Variants in B3GALT1 observed in about 807,000 individuals in gnomAD.
B3GALT1 encodes the protein UDP-Gal:betaGlcNAc beta 1,3-galactosyltransferase, polypeptide 1.
A neutral mutation model predicts 23.2 loss-of-function variants in B3GALT1; 10 were observed. The ratio of observed to expected loss-of-function variants is 0.43; its 90% confidence interval spans 0.27 to 0.73. The LOEUF is 0.73. Among genes scored for constraint, B3GALT1 ranks in the 30% least tolerant of loss-of-function variants. The pLI, the probability that B3GALT1 is intolerant of heterozygous loss-of-function variation, is 0.21. For missense variants in B3GALT1, 299 were observed against 405.4 expected, an observed-to-expected ratio of 0.74 and a Z score of 2.25; for synonymous variants, 156 against 141.5, an observed-to-expected ratio of 1.10 and a Z score of -0.73.
chr2:167,437,273 A>C (rs929529330), intron 1 of B3GALT1, among the ~76,000 whole-genome samples: 3 of 152,228 alleles, frequency 2.0e-5, no homozygotes, highest in African/African-American at 7.2e-5. Context: ...ATGTTCAGTC[A>C]CTGCAAGTAT....
intron 3 of B3GALT1, among the ~76,000 whole-genome samples, chr2:167,815,925 G>C (rs2105358229): frequency 6.6e-6 from 1 of 152,270 alleles, no homozygotes; most frequent in East Asian, 1.9e-4. Context: ...ATCCAAAAGA[G>C]TAGATAATGA....
intron 3 of B3GALT1, among the ~76,000 whole-genome samples, chr2:167,812,605 A>G (rs935442365): frequency 5.3e-5 from 8 of 152,352 alleles, no homozygotes; most frequent in African/African-American, 1.7e-4. Flanking sequence ...GATATTTGGA[A>G]TTTATTGCTT....
intron 2 of B3GALT1, among the ~76,000 whole-genome samples, chr2:167,554,909 T>C (rs186646913): frequency 3.3e-5 from 5 of 152,144 alleles, no homozygotes; most frequent in African/African-American, 1.2e-4. Flanking sequence ...ATGAAACTCA[T>C]CATAAAACAT....
chr2:167,533,189 T>G (rs769165706), intron 2 of B3GALT1, among the ~76,000 whole-genome samples: 5 of 152,058 alleles, frequency 3.3e-5, no homozygotes, highest in Non-Finnish European at 7.4e-5. Context: ...TAAATGCCCT[T>G]AATTTTTTCA....
At chr2:167,448,693 G>A (rs561946956) in intron 1 of B3GALT1, among the ~76,000 whole-genome samples, 12 of 152,144 alleles carry the variant, frequency 7.9e-5, no homozygotes, top group South Asian at 2.1e-4. Context: ...TGTCTAGAAG[G>A]GTTTTTCTGA....
intron 2 of B3GALT1, among the ~76,000 whole-genome samples, chr2:167,498,165 T>G (rs971842152): frequency 6.6e-6 from 1 of 152,200 alleles, no homozygotes; most frequent in African/African-American, 2.4e-5. Context: ...GCAGGATTGC[T>G]CAATTTACAG....
chr2:167,762,585 A>T (rs1033036952), intron 3 of B3GALT1, among the ~76,000 whole-genome samples: 2 of 151,878 alleles, frequency 1.3e-5, no homozygotes, highest in Non-Finnish European at 2.9e-5. Context: ...AAAAATAAAA[A>T]AAAAAAAAAA....
intron 3 of B3GALT1, chr2:167,714,473 G>A (rs539555376): frequency 3.7e-5 from 60 of 1,600,430 alleles, no homozygotes; most frequent in South Asian, 9.9e-5. Context: ...AAAAGCTCTC[G>A]TTTCAGATGA....
At position 167,598,092 on chromosome 2, in the gene B3GALT1, G is replaced by A. The variant is rs13415003; in HGVS notation, c.-409-48817G>A. On this transcript the variant is annotated intron_variant, in intron 2 of 4. Coordinates refer to ENST00000392690, the MANE Select transcript of B3GALT1 (RefSeq NM_020981.4). The stretch of plus-strand genomic sequence containing the variant: ...CTGGAATCTAGTACGGAATTCACAT[G>A]TGTTTGTTGAACTAAAGAATTCTAG... Among the ~76,000 whole-genome samples, 138 of 152,274 alleles carry A rather than the reference G, an allele frequency of 9.1e-4. 1 individual carries two copies. Among genetic ancestry groups the A allele is most frequent in the African/African-American group, 3.0e-3 (126 of 41,538 alleles).
intron 4 of B3GALT1, among the ~76,000 whole-genome samples, chr2:167,838,991 A>G (rs1243929240): frequency 6.6e-6 from 1 of 152,262 alleles, no homozygotes. Context: ...TTCATGCTAA[A>G]AACTCTCAAT....
intron 1 of B3GALT1, among the ~76,000 whole-genome samples, chr2:167,314,172 C>G (rs1364848919): frequency 1.3e-5 from 2 of 151,906 alleles, no homozygotes; most frequent in African/African-American, 4.8e-5. Context: ...GCACAGGTTT[C>G]CAGACTTAAA....
intron 1 of B3GALT1, among the ~76,000 whole-genome samples, chr2:167,294,455 T>G (rs7600329): frequency 0.034 from 5,180 of 152,332 alleles, 243 homozygotes; most frequent in African/African-American, 0.11. Context: ...GGCGAATTCT[T>G]TGCGCTGCTG....
intron 3 of B3GALT1, among the ~76,000 whole-genome samples, chr2:167,722,792 AGTG>A (rs1292221038): frequency 6.6e-6 from 1 of 152,204 alleles, no homozygotes; most frequent in Non-Finnish European, 1.5e-5. Flanking sequence ...TCCTAAATCA[AGTG>A]ACATGAATTT....
chr2:167,713,936 AG>A (rs1458402047), intron 3 of B3GALT1: 4 of 1,570,202 alleles, frequency 2.5e-6, no homozygotes, highest in Admixed American at 1.7e-5. Context: ...TCTCGTGAAC[AG>A]GCCCCTTGTA....
intron 2 of B3GALT1, among the ~76,000 whole-genome samples, chr2:167,606,973 G>C (rs1684971776): frequency 6.6e-6 from 1 of 152,108 alleles, no homozygotes; most frequent in Admixed American, 6.6e-5. Context: ...CTACATGAAG[G>C]CATGGAGGTG....
At chr2:167,646,561 T>C (rs4667540) in intron 2 of B3GALT1, among the ~76,000 whole-genome samples, 103,206 of 152,046 alleles carry the variant, frequency 0.68, 35,934 homozygotes, top group Admixed American at 0.76. Flanking sequence ...CATCACAGGA[T>C]CTTCTAATGA....
chr2:167,596,170 T>G (rs953423958), intron 2 of B3GALT1, among the ~76,000 whole-genome samples: 21 of 152,196 alleles, frequency 1.4e-4, no homozygotes, highest in African/African-American at 5.1e-4. Flanking sequence ...GGGTAATGCT[T>G]TGAGCTGCTT....
intron 1 of B3GALT1, among the ~76,000 whole-genome samples, chr2:167,441,401 T>G: frequency 6.6e-6 from 1 of 152,188 alleles, no homozygotes; most frequent in Non-Finnish European, 1.5e-5. Flanking sequence ...TAGCCCACCC[T>G]TCAGCCTTTC....
chr2:167,761,410 C>T (rs189173910), intron 3 of B3GALT1, among the ~76,000 whole-genome samples: 2 of 152,154 alleles, frequency 1.3e-5, no homozygotes, highest in African/African-American at 4.8e-5. Context: ...TCCTAGGGAG[C>T]ATGCATTCCA....
Sources: gnomAD v4.1 joint callset for allele counts (sites outside exome capture counted in the v4.1 genomes callset) on GRCh38, gnomAD v4.1.1 for gene constraint, MANE v1.5 for transcripts, NCBI Gene and HGNC (gene_info 2026-07-23, HGNC 2026-07-21) for gene names.